Variants in FAT4 observed in about 807,000 individuals in gnomAD.
FAT4 encodes FAT atypical cadherin 4.
A neutral mutation model predicts 303.9 loss-of-function variants in FAT4; 84 were observed. The observed-to-expected ratio is 0.28, with a 90% CI of 0.23 to 0.33. The LOEUF (loss-of-function observed/expected upper bound fraction) is 0.33. FAT4 is among the 10% of genes least tolerant of loss of function. The pLI, the probability that FAT4 is intolerant of heterozygous loss-of-function variation, is 1.00. For missense variants in FAT4, 6,005 were observed against 6,146.8 expected, an observed-to-expected ratio of 0.98 and a Z score of 0.77; for synonymous variants, 2,307 against 2,298.8, an observed-to-expected ratio of 1.00 and a Z score of -0.10.
chr4:125,409,046 G>A (rs1042144369), intron 5 of FAT4, among the ~76,000 whole-genome samples: 12 of 152,012 alleles, frequency 7.9e-5, no homozygotes, highest in African/African-American at 2.4e-4. Flanking sequence ...CCCCCTAAAT[G>A]TAGGGTCGTG....
rs943378953 is a variant in FAT4, at chr4:125,446,331, A to G, written c.7238A>G (p.Asn2413Ser). Residue 2413 changes from asparagine to serine, a missense_variant, in exon 9 of 18, where the codon AAC becomes AGC. By Grantham distance (46) the Asn-to-Ser change is conservative. Transcript: ENST00000394329. ...GGTGGAAACTCTCAGTTCACGATCA[A>G]CCCATCGACAGGACAAATCATCACC... Reference protein sequence around the residue: ...IIGGNSQFTINPSTGQIITSA... With the variant: ...IIGGNSQFTISPSTGQIITSA... The G allele has an allele frequency of 1.9e-6, 3 of 1,613,240 alleles. No homozygotes were observed. Among genetic ancestry groups the G allele is most frequent in the Non-Finnish European group, 2.5e-6 (3 of 1,179,318 alleles).
chr4:125,421,184 A>C (rs1057305933), intron 7 of FAT4, among the ~76,000 whole-genome samples: 1 of 152,146 alleles, frequency 6.6e-6, no homozygotes, highest in Non-Finnish European at 1.5e-5. Flanking sequence ...TGGCCTCCCA[A>C]AGTGCTAGGC....
intron 8 of FAT4, among the ~76,000 whole-genome samples, chr4:125,440,604 T>TGAGAGAGAGAGAGA (rs1263364626): frequency 2.4e-3 from 84 of 35,550 alleles, no homozygotes; most frequent in South Asian, 9.1e-3. Flanking sequence ...TGTGTGTGTG[T>TGAGAGAGAGAGAGA]GTGTGTGAGA....
intron 5 of FAT4, among the ~76,000 whole-genome samples, chr4:125,414,163 G>C (rs1734950527): frequency 6.6e-6 from 1 of 151,824 alleles, no homozygotes; most frequent in African/African-American, 2.4e-5. Flanking sequence ...CATCATTTTT[G>C]TTATAAGACT....
intron 8 of FAT4, among the ~76,000 whole-genome samples, chr4:125,440,610 T>TGTGTGTGTGTGTGTGAGAGAGAGA (rs372756130): frequency 4.0e-5 from 3 of 75,728 alleles, no homozygotes; most frequent in African/African-American, 1.7e-4. Context: ...TGTGTGTGTG[T>TGTGTGTGTGTGTGTGAGAGAGAGA]GAGAGAGAGA....
intron 2 of FAT4, among the ~76,000 whole-genome samples, chr4:125,367,683 TC>T (rs1283386689): frequency 6.6e-6 from 1 of 152,206 alleles, no homozygotes; most frequent in East Asian, 1.9e-4. Flanking sequence ...TCAGTCAGTT[TC>T]CATGAGAGAT....
In FAT4 at chr4:125,317,384, G is replaced by A. The variant is rs754235948; in HGVS notation, c.973G>A (p.Ala325Thr). Residue 325 changes from alanine (A) to threonine (T), a missense_variant, in exon 2 of 18, where the codon GCG (alanine) becomes ACG (threonine). Coordinates refer to ENST00000394329, the MANE Select transcript of FAT4 (RefSeq NM_001291303.3). The surrounding 1 kb of genome is among the most constrained non-coding windows in gnomAD (Gnocchi z 7.0). The part of the protein sequence containing the change: ...ARRQYSLTVQ[A>T]MDRGVPSLTG... ...GCGCCAATACTCGCTTACGGTGCAGGCGATGGACAGAGGCGTGCCTTCCCT... is the reference window on the plus strand; with the variant it reads ...GCGCCAATACTCGCTTACGGTGCAGACGATGGACAGAGGCGTGCCTTCCCT... 6.2e-7 allele frequency: 1 copy of A among 1,613,502 alleles called. No homozygotes were observed. Among genetic ancestry groups the A allele is most frequent in the Admixed American group, 1.7e-5 (1 of 60,036 alleles).
Position 125,450,589 on chromosome 4 carries a change from T to C in FAT4, c.9579T>C (p.Ser3193=). The C allele has an allele frequency of 6.2e-7, 1 of 1,614,146 alleles. No individual in the cohort carries two copies. Among genetic ancestry groups the C allele is most frequent in the Non-Finnish European group, 8.5e-7 (1 of 1,180,016 alleles). The change falls in exon 10 of 18, where the codon TCT becomes TCC. Residue 3193 remains serine, a synonymous_variant. Transcript: ENST00000394329. ...ATGTGATTGATGTGAATGATAATTCTCCAGTATTCCTCTCTGATGACTATT... is the reference window on the plus strand; with the variant it reads ...ATGTGATTGATGTGAATGATAATTCCCCAGTATTCCTCTCTGATGACTATT... The part of the protein sequence containing the change: ...TVNVIDVNDN[S]PVFLSDDYFP...
intron 2 of FAT4, among the ~76,000 whole-genome samples, chr4:125,395,614 C>T (rs901973794): frequency 3.9e-5 from 6 of 152,006 alleles, no homozygotes; most frequent in East Asian, 1.9e-4. Context: ...CCACCGCGCC[C>T]GGCCATTATT....
At chr4:125,351,139 A>T (rs182356926) in intron 2 of FAT4, among the ~76,000 whole-genome samples, 5 of 151,702 alleles carry the variant, frequency 3.3e-5, no homozygotes, top group African/African-American at 1.2e-4. Flanking sequence ...TTTAAATCCA[A>T]TATTACTTTA....
intron 2 of FAT4, among the ~76,000 whole-genome samples, chr4:125,397,245 C>T (rs140025881): frequency 2.0e-5 from 3 of 151,948 alleles, no homozygotes; most frequent in Non-Finnish European, 2.9e-5. Flanking sequence ...ACAAAATACT[C>T]TAGGACACAT....
chr4:125,446,687 G>T (rs1001207902), intron 9 of FAT4, 144 bp downstream of exon 9: 1 of 778,852 alleles, frequency 1.3e-6, no homozygotes, highest in Non-Finnish European at 1.9e-6. Context: ...TGTTTTGTCT[G>T]ATGGAAATGA....
intron 8 of FAT4, among the ~76,000 whole-genome samples, chr4:125,439,928 A>G (rs1010373417): frequency 6.6e-6 from 1 of 152,204 alleles, no homozygotes; most frequent in African/African-American, 2.4e-5. Flanking sequence ...AAAAATTTAT[A>G]CTTTACAGTT....
intron 3 of FAT4, among the ~76,000 whole-genome samples, chr4:125,405,426 C>A (rs1177711819): frequency 6.6e-6 from 1 of 151,920 alleles, no homozygotes; most frequent in African/African-American, 2.4e-5. Context: ...ATAGCCATGC[C>A]AACAGGTGTG....
At chr4:125,355,567 A>G (rs1484070687) in intron 2 of FAT4, among the ~76,000 whole-genome samples, 1 of 152,002 alleles carries the variant, frequency 6.6e-6, no homozygotes, top group African/African-American at 2.4e-5. Flanking sequence ...TTATCTGTGA[A>G]TGAGGAAACA....
intron 2 of FAT4, among the ~76,000 whole-genome samples, chr4:125,394,208 A>G (rs1734080422): frequency 6.6e-6 from 1 of 152,190 alleles, no homozygotes; most frequent in African/African-American, 2.4e-5. Context: ...TTGATACCTT[A>G]AGTTGTTCTG....
rs761134228 is a variant in FAT4 at position 125,491,329 on chromosome 4, C to T, written c.14513C>T (p.Pro4838Leu). 6.2e-7 allele frequency: 1 copy of T among 1,614,180 alleles called. No homozygotes were observed. The highest frequency in any genetic ancestry group is 8.5e-7 in the Non-Finnish European group (1 of 1,180,026). The change falls in exon 18 of 18, where the codon CCA becomes CTA. Residue 4838 changes from proline (P) to leucine (L), a missense_variant. By Grantham distance (98) the Pro-to-Leu change is moderately conservative (BLOSUM62 -3). Coordinates refer to ENST00000394329, the MANE Select transcript of FAT4 (RefSeq NM_001291303.3). The part of the protein sequence containing the change: ...TRNPADGIPA[P>L]ESSSDSDSHE... ...AATCCAGCGGATGGCATTCCAGCTCCAGAATCCTCTTCTGATAGTGACTCC... is the reference window on the plus strand; with the variant it reads ...AATCCAGCGGATGGCATTCCAGCTCTAGAATCCTCTTCTGATAGTGACTCC...
chr4:125,449,769 T>G lies in FAT4; in HGVS notation c.8759T>G (p.Phe2920Cys), dbSNP rs1367991458. ...FYFIKSQSEY[F>C]RINATTGEIF... ...TTCATAAAATCCCAATCAGAATATTTCAGGATTAATGCCACCACTGGAGAG... is the reference window on the plus strand; with the variant it reads ...TTCATAAAATCCCAATCAGAATATTGCAGGATTAATGCCACCACTGGAGAG... Residue 2920 changes from phenylalanine to cysteine, a missense_variant, in exon 10 of 18, where the codon TTC (phenylalanine) becomes TGC (cysteine). Phe to Cys is a radical substitution (Grantham distance 205). Coordinates refer to ENST00000394329, the MANE Select transcript of FAT4 (RefSeq NM_001291303.3). 28 of 1,613,660 alleles carry G rather than the reference T, an allele frequency of 1.7e-5. No individual in the cohort carries two copies. The highest frequency in any genetic ancestry group is 2.1e-5 in the Non-Finnish European group (25 of 1,179,880).
At chr4:125,465,278 A>C (rs978567482) in intron 11 of FAT4, among the ~76,000 whole-genome samples, 3 of 152,196 alleles carry the variant, frequency 2.0e-5, no homozygotes, top group African/African-American at 7.2e-5. Flanking sequence ...CTGTGAAGTA[A>C]TGAAAGGTAT....
Sources: gnomAD v4.1 joint callset for allele counts (sites outside exome capture counted in the v4.1 genomes callset) on GRCh38, gnomAD v4.1.1 for gene constraint, Gnocchi (gnomAD v3.1) non-coding constraint, MANE v1.5 for transcripts, NCBI Gene and HGNC (gene_info 2026-07-23, HGNC 2026-07-21) for gene names.